Variants in PDLIM3 observed in about 807,000 individuals in gnomAD.
PDLIM3 encodes PDZ and LIM domain 3.
A neutral mutation model predicts 37.3 loss-of-function variants in PDLIM3; 36 were observed. That is an observed-to-expected ratio of 0.97 (90% confidence interval 0.74 to 1.28). The LOEUF is 1.28. Among genes scored for constraint, PDLIM3 ranks in the 50% most tolerant of loss-of-function variants. The pLI is 0.00. For synonymous variants in PDLIM3, 174 were observed against 182.4 expected, an observed-to-expected ratio of 0.95 and a Z score of 0.37; for missense variants, 454 against 485.0, an observed-to-expected ratio of 0.94 and a Z score of 0.60.
At chr4:185,523,557 A>C in intron 2 of PDLIM3, 111 bp from the exon 3 acceptor site, 1 of 599,944 alleles carries the variant, frequency 1.7e-6, no homozygotes, top group Admixed American at 3.7e-5. Flanking sequence ...TCACTAACTT[A>C]TGCAAAAACA....
intron 4 of PDLIM3, chr4:185,513,908 G>C: frequency 8.4e-7 from 1 of 1,190,276 alleles, no homozygotes; most frequent in Non-Finnish European, 1.1e-6. Flanking sequence ...ACCGGGGCTG[G>C]TTTCCATGCT....
chr4:185,511,610 C>T (rs1052478956), intron 4 of PDLIM3, among the ~76,000 whole-genome samples: 4 of 152,184 alleles, frequency 2.6e-5, no homozygotes, highest in African/African-American at 9.7e-5. Flanking sequence ...ATCTGCTCAC[C>T]TGGGCCTCCC....
At chr4:185,503,303 T>G (rs867357024) in intron 7 of PDLIM3, among the ~76,000 whole-genome samples, 14 of 151,778 alleles carry the variant, frequency 9.2e-5, no homozygotes, top group Admixed American at 2.6e-4. Flanking sequence ...TCCTTTGGGG[T>G]GGGTGGATTG....
At chr4:185,526,862 T>C (rs955728235) in intron 1 of PDLIM3, among the ~76,000 whole-genome samples, 2 of 152,226 alleles carry the variant, frequency 1.3e-5, no homozygotes, top group African/African-American at 4.8e-5. Flanking sequence ...TAGGTTCAAA[T>C]GCTGCACTCT....
At chr4:185,515,627 G>C (rs2095713778) in intron 3 of PDLIM3, 2 of 152,248 alleles carry the variant, frequency 1.3e-5, no homozygotes, top group South Asian at 2.1e-4. Context: ...AATTCAGAGA[G>C]AGAAAATGTG....
intron 4 of PDLIM3, 144 bp from the exon 5 acceptor site, chr4:185,508,706 C>T (rs1453699864): frequency 2.6e-6 from 2 of 770,828 alleles, no homozygotes; most frequent in East Asian, 5.3e-5. Context: ...AAAACCAAAT[C>T]TTGATTTGTC....
At chr4:185,503,553 G>C (rs2095691045) in intron 7 of PDLIM3, among the ~76,000 whole-genome samples, 1 of 152,224 alleles carries the variant, frequency 6.6e-6, no homozygotes, top group Admixed American at 6.5e-5. Flanking sequence ...AGGAGGAATG[G>C]AATAAGGGAA....
chr4:185,522,427 C>T lies in PDLIM3; in HGVS notation c.330+935G>A, dbSNP rs2095724415. ...ATCTTTTCACAAAAGAAATCAGAGGCTTATGGAGACAAGTAGAAAACTTGA... is the reference window on the plus strand; with the variant it reads ...ATCTTTTCACAAAAGAAATCAGAGGTTTATGGAGACAAGTAGAAAACTTGA... On this transcript the variant is annotated intron_variant, in intron 3 of 7. Coordinates refer to ENST00000284767, the MANE Select transcript of PDLIM3 (RefSeq NM_014476.6). Among the ~76,000 whole-genome samples the T allele has an allele frequency of 3.0e-5, 2 of 66,434 alleles. 1 individual carries two copies. Among genetic ancestry groups the T allele is most frequent in the African/African-American group, 5.5e-5 (2 of 36,398 alleles). The allele number at this position is 66,434 out of a possible 152,430, so 43.6% of individuals were successfully genotyped here. A position where few individuals can be genotyped will look rare whatever the true frequency, so the allele number is the denominator to read the frequency against.
At position 185,508,757 on chromosome 4, in the gene PDLIM3, T is replaced by A. The variant is rs1580240226; in HGVS notation, c.399-195A>T. On this transcript the variant is annotated intron_variant, in intron 4 of 7. Coordinates refer to ENST00000284767, the MANE Select transcript of PDLIM3 (RefSeq NM_014476.6). ...TAAAGGGAAGACGGTGAAAAATTCATGATTGAAAAAAGTTTAATAAAATTA... is the reference window on the plus strand; with the variant it reads ...TAAAGGGAAGACGGTGAAAAATTCAAGATTGAAAAAAGTTTAATAAAATTA... Among the ~76,000 whole-genome samples, 3 of 152,358 alleles carry A rather than the reference T, an allele frequency of 2.0e-5. No homozygotes were observed. The Middle Eastern group carries it at 0.01, about 518-fold the overall frequency.
chr4:185,531,016 G>GTA (rs147625768), intron 1 of PDLIM3, among the ~76,000 whole-genome samples: 68 of 135,962 alleles, frequency 5.0e-4, no homozygotes, highest in South Asian at 4.7e-3. Flanking sequence ...ACACACACAC[G>GTA]TATATATATA....
rs773342819 is a variant in PDLIM3, at chr4:185,508,539, A to G, written c.422T>C (p.Ile141Thr). Residue 141 changes from isoleucine (I) to threonine (T), a missense_variant, in exon 5 of 8, where the codon ATT becomes ACT. By Grantham distance (89) the Ile-to-Thr change is moderately conservative. Coordinates refer to ENST00000284767, the MANE Select transcript of PDLIM3 (RefSeq NM_014476.6). ...GGTGCTGCGTCCACTGCCACAGTCA[A>G]TCCCGGAGGGAGTGCTGCATCCACT... is the stretch of plus-strand genomic sequence containing the variant. ...RSSGCSTPSG[I>T]DCGSGRSTPS... 6.2e-7 allele frequency: 1 copy of G among 1,613,958 alleles called. No individual in the cohort carries two copies. Among genetic ancestry groups the G allele is most frequent in the Non-Finnish European group, 8.5e-7 (1 of 1,179,962 alleles).
chr4:185,528,495 C>G (rs1312275561), intron 1 of PDLIM3, among the ~76,000 whole-genome samples: 1 of 152,206 alleles, frequency 6.6e-6, no homozygotes, highest in Non-Finnish European at 1.5e-5. Context: ...GTTACATTTG[C>G]AAAGCTCCTT....
Position 185,514,578 on chromosome 4 carries a change from A to C in PDLIM3, c.331-241T>G. The stretch of plus-strand genomic sequence containing the variant: ...CATGTTTTAGATGCTTGTCTTTAAA[A>C]GAGAAATCTGATAGTGCCTTCAGGA... On this transcript the variant is annotated intron_variant, in intron 3 of 7. Coordinates refer to ENST00000284767, the MANE Select transcript of PDLIM3 (RefSeq NM_014476.6). This position sits in a 1 kb window ranked among gnomAD's most constrained non-coding sequence, Gnocchi z 4.0. The C allele has an allele frequency of 4.0e-6, 5 of 1,260,594 alleles. No homozygotes were observed. In the South Asian group the frequency reaches 7.7e-5, roughly 19 times the overall value. The allele number at this position is 1,260,594 out of a possible 1,614,324, so 78.1% of individuals were successfully genotyped here.
At position 185,523,408 on chromosome 4, in the gene PDLIM3, T is replaced by C. The variant is rs1210471742; in HGVS notation, c.284A>G (p.Asp95Gly). The change falls in exon 3 of 8, where the codon GAT becomes GGT. Residue 95 changes from aspartate to glycine, a missense_variant. Asp to Gly is a moderately conservative substitution (Grantham distance 94). Coordinates refer to ENST00000284767, the MANE Select transcript of PDLIM3 (RefSeq NM_014476.6). Reference sequence around the variant, plus strand: ...GATTTTGAAAGGATGGGCTTTCCCATCTTCAGATACTTGTGGAGACCATAA... The same window carrying C: ...GATTTTGAAAGGATGGGCTTTCCCACCTTCAGATACTTGTGGAGACCATAA... ...THLWSPQVSE[D>G]GKAHPFKINL... 2 of 1,612,496 alleles carry C rather than the reference T, an allele frequency of 1.2e-6. No individual in the cohort carries two copies. Among genetic ancestry groups the C allele is most frequent in the Non-Finnish European group, 1.7e-6 (2 of 1,178,760 alleles).
At position 185,513,118 on chromosome 4, in the gene PDLIM3, G is replaced by A. The variant is rs2095709217; in HGVS notation, c.398+1152C>T. The A allele has an allele frequency of 3.1e-6, 3 of 983,380 alleles. No homozygotes were observed. The African/African-American group carries it at 5.3e-5, about 17-fold the overall frequency. 60.9% of individuals were successfully genotyped at this position (983,380 alleles called of 1,614,324 possible). A position where few individuals can be genotyped will look rare whatever the true frequency, so the allele number is the denominator to read the frequency against. On this transcript the variant is annotated intron_variant, in intron 4 of 7. Transcript: ENST00000284767. ...TTCTGTCTCATTTCTAGGTGCTGGG[G>A]GTATAATGTTGAGCCAGTCAGACCA...
chr4:185,511,850 A>C (rs537505135), intron 4 of PDLIM3, among the ~76,000 whole-genome samples: 1 of 152,314 alleles, frequency 6.6e-6, no homozygotes, highest in African/African-American at 2.4e-5. Context: ...TGATCATTAC[A>C]TATTGTATGC....
In PDLIM3 at chr4:185,506,625, C is replaced by G; in HGVS notation, c.690G>C (p.Glu230Asp). Residue 230 changes from glutamate (E) to aspartate (D), a missense_variant, in exon 6 of 8, where the codon GAG becomes GAC. Coordinates refer to ENST00000284767, the MANE Select transcript of PDLIM3 (RefSeq NM_014476.6). ...CGTGGAGCATCCGGTACACGTCCGACTCGGGGGGCACCGAGGCTGTGGGCT... is the reference window on the plus strand; with the variant it reads ...CGTGGAGCATCCGGTACACGTCCGAGTCGGGGGGCACCGAGGCTGTGGGCT... ...MSEPTASVPP[E>D]SDVYRMLHDN... is the part of the protein sequence containing the mutation. 1 of 1,608,174 alleles carries G rather than the reference C, an allele frequency of 6.2e-7. No individual in the cohort carries two copies. The highest frequency in any genetic ancestry group is 1.3e-5 in the African/African-American group (1 of 75,028).
chr4:185,502,116 A>G lies in PDLIM3; in HGVS notation c.*178T>C. 2 of 677,862 alleles carry G rather than the reference A, an allele frequency of 3.0e-6. No homozygotes were observed. Among genetic ancestry groups the G allele is most frequent in the Admixed American group, 2.4e-5 (1 of 41,360 alleles). The allele number at this position is 677,862 out of a possible 1,614,324, so 42.0% of individuals were successfully genotyped here. A position where few individuals can be genotyped will look rare whatever the true frequency, so the allele number is the denominator to read the frequency against. The stretch of plus-strand genomic sequence containing the variant: ...ATAGCTAAGTGTATGTTTTTTTCAC[A>G]TAGCAGGCATTTGCCTCCCATTCCT... On this transcript the variant is annotated 3_prime_UTR_variant, in exon 8 of 8. Coordinates refer to ENST00000284767, the MANE Select transcript of PDLIM3 (RefSeq NM_014476.6).
In PDLIM3 at chr4:185,506,669, G is replaced by A; in HGVS notation, c.663-17C>T. On this transcript the variant is annotated splice_polypyrimidine_tract_variant and intron_variant, in intron 5 of 7. Transcript: ENST00000284767. ...GTGGGCTCGCTGAAACACAGGCACG[G>A]CGGGGAGCATCGTCAGGTGCTGGGA... is the stretch of plus-strand genomic sequence containing the variant. 6.2e-7 allele frequency: 1 copy of A among 1,601,530 alleles called. No individual in the cohort carries two copies. The highest frequency in any genetic ancestry group is 8.5e-7 in the Non-Finnish European group (1 of 1,179,642).
Sources: gnomAD v4.1 joint callset for allele counts (sites outside exome capture counted in the v4.1 genomes callset) on GRCh38, gnomAD v4.1.1 for gene constraint, Gnocchi (gnomAD v3.1) non-coding constraint, MANE v1.5 for transcripts, NCBI Gene and HGNC (gene_info 2026-07-23, HGNC 2026-07-21) for gene names.